The following ALLC variants were observed in gnomAD, a reference collection of about 807,000 sequenced individuals.
ALLC encodes the protein allantoicase.
In ALLC, 40 loss-of-function variants were observed where a neutral mutation model predicts 45.0. That is an observed-to-expected ratio of 0.89 (90% CI 0.69 to 1.16). The LOEUF (loss-of-function observed/expected upper bound fraction) is 1.16. ALLC is among the 50% of genes most tolerant of loss of function. The probability of loss-of-function intolerance (pLI) is 0.00; values close to 1 mark genes in which losing one functional copy is unlikely to be tolerated. For missense variants in ALLC, 488 were observed against 493.1 expected, an observed-to-expected ratio of 0.99 and a Z score of 0.10; for synonymous variants, 176 against 178.1, an observed-to-expected ratio of 0.99 and a Z score of 0.09.
chr2:3,650,455 A>G, the ALLC span, among the ~76,000 whole-genome samples: 1 of 152,154 alleles, frequency 6.6e-6, no homozygotes, highest in African/African-American at 2.4e-5. Context: ...TGAGAGAAAC[A>G]GCGCACCACG....
chr2:3,668,661 C>T (rs770828961), intron 1 of ALLC, among the ~76,000 whole-genome samples: 18 of 146,886 alleles, frequency 1.2e-4, no homozygotes, highest in South Asian at 4.4e-4. Context: ...CCGCAAACTC[C>T]GCCTCCTGGG....
At chr2:3,666,276 A>T (rs1162867471) in intron 1 of ALLC, among the ~76,000 whole-genome samples, 1 of 152,228 alleles carries the variant, frequency 6.6e-6, no homozygotes, top group Non-Finnish European at 1.5e-5. Context: ...GCTGGAGCTG[A>T]TGGGGAAAAA....
At position 3,702,526 on chromosome 2, in the gene ALLC, T is replaced by A; in HGVS notation, c.1139T>A (p.Met380Lys). 6.2e-7 allele frequency: 1 copy of A among 1,605,038 alleles called. No individual in the cohort carries two copies. ...ICLLRPREKP[M>K]LKFSVSFKAN... ...CTCCTGAGGCCCCGGGAGAAGCCCATGTTGAAGTTCTCGGTGAGCTTCAAA... is the reference window on the plus strand; with the variant it reads ...CTCCTGAGGCCCCGGGAGAAGCCCAAGTTGAAGTTCTCGGTGAGCTTCAAA... Residue 380 changes from methionine to lysine, a missense_variant, in exon 12 of 12, where the codon ATG becomes AAG. Coordinates refer to ENST00000252505, the MANE Select transcript of ALLC (RefSeq NM_018436.4).
chr2:3,666,662 T>C (rs993705777), intron 1 of ALLC, among the ~76,000 whole-genome samples: 1 of 152,246 alleles, frequency 6.6e-6, no homozygotes, highest in African/African-American at 2.4e-5. Context: ...TCACCCAGCC[T>C]TGATGAGCAC....
intron 1 of ALLC, among the ~76,000 whole-genome samples, chr2:3,668,788 G>T (rs1666792820): frequency 6.6e-6 from 1 of 150,764 alleles, no homozygotes; most frequent in Non-Finnish European, 1.5e-5. Flanking sequence ...ATTAGCCAGG[G>T]TGGTCTCGAA....
At chr2:3,689,316 G>T (rs1667412490) in intron 7 of ALLC, among the ~76,000 whole-genome samples, 1 of 150,642 alleles carries the variant, frequency 6.6e-6, no homozygotes, top group Non-Finnish European at 1.5e-5. Context: ...TTAATTTGAA[G>T]TCTTTCTACT....
Position 3,671,137 on chromosome 2 carries a change from T to C in ALLC, c.-21T>C. ...TCCGAAGGAGGGAAGACTGACCCGG[T>C]TTCTGGACTTCACCCAGCTGATGGA... is the stretch of plus-strand genomic sequence containing the variant. On this transcript the variant is annotated 5_prime_UTR_variant, in exon 2 of 12. Coordinates refer to ENST00000252505, the MANE Select transcript of ALLC (RefSeq NM_018436.4). 6.2e-7 allele frequency: 1 copy of C among 1,609,742 alleles called. No homozygotes were observed. Among genetic ancestry groups the C allele is most frequent in the East Asian group, 2.2e-5 (1 of 44,800 alleles).
At chr2:3,661,040 G>A (rs933493243) in intron 1 of ALLC, among the ~76,000 whole-genome samples, 8 of 152,066 alleles carry the variant, frequency 5.3e-5, no homozygotes, top group Admixed American at 2.0e-4. Flanking sequence ...AAGTGAGAGG[G>A]GCTGTGGTTT....
chr2:3,678,295 C>T (rs555504725), intron 3 of ALLC, among the ~76,000 whole-genome samples, 173 bp from the exon 4 acceptor site: 4 of 152,162 alleles, frequency 2.6e-5, no homozygotes, highest in East Asian at 1.9e-4. Flanking sequence ...ATGATAAAAG[C>T]GGAGGCATCT....
Position 3,696,349 on chromosome 2 carries a change from G to A in ALLC, c.741+1G>A, listed in dbSNP as rs879076951. 3 of 1,609,074 alleles carry A rather than the reference G, an allele frequency of 1.9e-6. No individual in the cohort carries two copies. Among genetic ancestry groups the A allele is most frequent in the South Asian group, 2.2e-5 (2 of 89,618 alleles). On this transcript the variant is annotated splice_donor_variant, in intron 9 of 11. Coordinates refer to ENST00000252505, the MANE Select transcript of ALLC (RefSeq NM_018436.4). LOFTEE classifies it high-confidence loss of function. Reference sequence around the variant, plus strand: ...GCTGGACCGGCCACCAATATTAGAAGTAAGAAGTTAAAAATAACTATGGTT... The same window carrying A: ...GCTGGACCGGCCACCAATATTAGAAATAAGAAGTTAAAAATAACTATGGTT...
At chr2:3,671,372 C>T (rs543267808) in intron 2 of ALLC, among the ~76,000 whole-genome samples, 182 bp downstream of exon 2, 2 of 152,254 alleles carry the variant, frequency 1.3e-5, no homozygotes, top group East Asian at 3.8e-4. Flanking sequence ...TGACAATTCT[C>T]AGCAAGGACA....
upstream of ALLC, among the ~76,000 whole-genome samples, chr2:3,655,842 A>G (rs1023300755): frequency 6.6e-6 from 1 of 152,070 alleles, no homozygotes; most frequent in Non-Finnish European, 1.5e-5. Context: ...TGGAGCCATA[A>G]GACAAGCCTC....
chr2:3,647,435 G>A, the ALLC span, among the ~76,000 whole-genome samples: 1 of 152,088 alleles, frequency 6.6e-6, no homozygotes, highest in African/African-American at 2.4e-5. Flanking sequence ...CATGGGGCCT[G>A]CCTGCTTCTC....
At chr2:3,662,021 G>A (rs1415939597) in intron 1 of ALLC, among the ~76,000 whole-genome samples, 3 of 150,740 alleles carry the variant, frequency 2.0e-5, no homozygotes, top group Non-Finnish European at 4.4e-5. Context: ...ACCTCCCAAG[G>A]CCTCTCTCAA....
At chr2:3,674,514 C>T (rs11891569) in intron 3 of ALLC, among the ~76,000 whole-genome samples, 12 of 152,174 alleles carry the variant, frequency 7.9e-5, no homozygotes, top group East Asian at 3.9e-4. Flanking sequence ...AAAATGCTGA[C>T]GAACATAGGG....
At chr2:3,663,217 G>T (rs545153233) in intron 1 of ALLC, among the ~76,000 whole-genome samples, 3 of 152,074 alleles carry the variant, frequency 2.0e-5, no homozygotes, top group African/African-American at 7.2e-5. Flanking sequence ...AACATGGTGC[G>T]TATATACCAT....
At chr2:3,668,103 C>T (rs540535075) in intron 1 of ALLC, among the ~76,000 whole-genome samples, 4 of 152,104 alleles carry the variant, frequency 2.6e-5, no homozygotes, top group Non-Finnish European at 4.4e-5. Flanking sequence ...CATGTATGCT[C>T]ATATTATTTG....
At chr2:3,688,231 T>C in intron 7 of ALLC, 1 of 170,816 alleles carries the variant, frequency 5.9e-6, no homozygotes. Flanking sequence ...GTGTCATATT[T>C]GTCAAGTTTC....
intron 3 of ALLC, among the ~76,000 whole-genome samples, chr2:3,678,217 C>T (rs138692120): frequency 7.9e-4 from 121 of 152,338 alleles, no homozygotes; most frequent in African/African-American, 2.9e-3. Context: ...TGTGGTTGTA[C>T]CTGCTGCTAT....
Sources: allele counts gnomAD v4.1 joint callset (sites outside exome capture counted in the v4.1 genomes callset), GRCh38; gene constraint gnomAD v4.1.1; transcripts MANE v1.5; gene names NCBI Gene and HGNC (gene_info 2026-07-23, HGNC 2026-07-21).